Variants in FLT3 observed in about 807,000 individuals in gnomAD.
FLT3 encodes fms related receptor tyrosine kinase 3, also known as receptor-type tyrosine-protein kinase FLT3.
FLT3 carries 46 observed loss-of-function variants against 126.6 expected under a neutral mutation model. That is an observed-to-expected ratio of 0.36 (90% CI 0.29 to 0.46). The LOEUF (loss-of-function observed/expected upper bound fraction) is 0.46, where lower values mean the gene tolerates loss of function less well. FLT3 is among the 20% of genes least tolerant of loss of function. FLT3 has a pLI of 1.00. For missense variants in FLT3, 1,069 were observed against 1,190.3 expected, an observed-to-expected ratio of 0.90 and a Z score of 1.50; for synonymous variants, 404 against 434.4, an observed-to-expected ratio of 0.93 and a Z score of 0.87.
chr13:28,066,896 T>C (rs908488551), intron 2 of FLT3, among the ~76,000 whole-genome samples: 1 of 152,070 alleles, frequency 6.6e-6, no homozygotes, highest in Non-Finnish European at 1.5e-5. Flanking sequence ...GTGAAGAAAA[T>C]AGTAACTTTG....
chr13:28,019,167 A>G (rs914546281), intron 19 of FLT3, among the ~76,000 whole-genome samples: 11 of 152,012 alleles, frequency 7.2e-5, no homozygotes, highest in African/African-American at 2.4e-4. Flanking sequence ...GCGTTTCGCC[A>G]TGTTGGTCAG....
chr13:28,081,687 A>C (rs1450169694), intron 1 of FLT3, among the ~76,000 whole-genome samples: 1 of 152,136 alleles, frequency 6.6e-6, no homozygotes, highest in East Asian at 1.9e-4. Context: ...TTCTGATCTT[A>C]GGGAAAAGAT....
intron 15 of FLT3, among the ~76,000 whole-genome samples, chr13:28,029,345 T>C (rs1261129931): frequency 6.6e-6 from 1 of 151,428 alleles, no homozygotes; most frequent in Non-Finnish European, 1.5e-5. Flanking sequence ...TGAGCCGAGA[T>C]TGAGCCCCTG....
intron 15 of FLT3, among the ~76,000 whole-genome samples, chr13:28,030,345 C>T (rs1327298890): frequency 2.0e-5 from 3 of 152,186 alleles, no homozygotes; most frequent in East Asian, 1.9e-4. Flanking sequence ...TAATATCTTA[C>T]ATTTTTTAGC....
intron 1 of FLT3, among the ~76,000 whole-genome samples, chr13:28,088,441 C>A (rs1272023909): frequency 1.3e-5 from 2 of 152,112 alleles, no homozygotes; most frequent in African/African-American, 4.8e-5. Flanking sequence ...GTGCACACCA[C>A]CATGCCTGGC....
intron 1 of FLT3, among the ~76,000 whole-genome samples, chr13:28,075,313 T>C (rs984889753): frequency 3.3e-5 from 5 of 152,184 alleles, no homozygotes; most frequent in African/African-American, 1.2e-4. Context: ...AAATGATAAA[T>C]ATTCAACGTG....
Position 28,028,790 on chromosome 13 carries a change from C to CTT in FLT3, c.1943-504_1943-503dup, listed in dbSNP as rs35421108. Among the ~76,000 whole-genome samples the CTT allele has an allele frequency of 8.5e-3, 1,198 of 141,132 alleles. 11 individuals are homozygous for CTT. Among genetic ancestry groups the CTT allele is most frequent in the South Asian group, 0.012 (57 of 4,586 alleles). 92.6% of individuals were successfully genotyped at this position (141,132 alleles called of 152,430 possible). Reference sequence around the variant, plus strand: ...TTTTTTTTTTTCCTTTTCTTTCTTTCTTTTTTTTTGACACAGTATCTCACT... The same window carrying CTT: ...TTTTTTTTTTTCCTTTTCTTTCTTTCTTTTTTTTTTTGACACAGTATCTCACT... On this transcript the variant is annotated intron_variant, in intron 15 of 23. Transcript: ENST00000241453.
chr13:28,072,597 TG>T (rs1189247071), intron 1 of FLT3, among the ~76,000 whole-genome samples: 1 of 152,186 alleles, frequency 6.6e-6, no homozygotes, highest in African/African-American at 2.4e-5. Flanking sequence ...GCATTCACCT[TG>T]CTGGCCAGGC....
At chr13:28,008,846 T>C (rs1048742823) in intron 23 of FLT3, among the ~76,000 whole-genome samples, 1 of 152,200 alleles carries the variant, frequency 6.6e-6, no homozygotes, top group Admixed American at 6.5e-5. Context: ...TACATTGTAT[T>C]GAGATTAGTG....
chr13:28,092,968 C>T (rs1879218350), intron 1 of FLT3, among the ~76,000 whole-genome samples: 1 of 138,014 alleles, frequency 7.2e-6, no homozygotes, highest in Admixed American at 7.7e-5. Context: ...GTCACCCAGG[C>T]TGGAGTACAG....
chr13:28,088,499 G>A (rs1267721335), intron 1 of FLT3, among the ~76,000 whole-genome samples: 11 of 151,828 alleles, frequency 7.2e-5, no homozygotes, highest in Non-Finnish European at 1.5e-5. Context: ...TGTTGGCCAG[G>A]CTGGTCTTGA....
chr13:28,085,336 T>A (rs12585699), intron 1 of FLT3, among the ~76,000 whole-genome samples: 72,548 of 125,108 alleles, frequency 0.58, 20,615 homozygotes, highest in East Asian at 0.74. Flanking sequence ...AGAGCCAGAC[T>A]CCATCTCAAA....
chr13:28,022,739 T>A (rs866669505), intron 19 of FLT3, among the ~76,000 whole-genome samples: 15 of 152,100 alleles, frequency 9.9e-5, no homozygotes, highest in African/African-American at 3.4e-4. Flanking sequence ...TATGATCTGC[T>A]TATAGGCAGG....
chr13:28,033,825 G>T, intron 15 of FLT3, 62 bp downstream of exon 15: 1 of 1,181,446 alleles, frequency 8.5e-7, no homozygotes, highest in Non-Finnish European at 1.3e-6. Context: ...AGAAGGCATG[G>T]GTGGGAAACT....
rs1011732155 is a variant in FLT3 at position 28,100,282 on chromosome 13, G to A, written c.43+186C>T. On this transcript the variant is annotated intron_variant, in intron 1 of 23. Coordinates refer to ENST00000241453, the MANE Select transcript of FLT3 (RefSeq NM_004119.3). This position sits in a 1 kb window ranked among gnomAD's most constrained non-coding sequence, Gnocchi z 4.8. The stretch of plus-strand genomic sequence containing the variant: ...AGGACGCGGGGTGGGAAACGCCGGG[G>A]CCGCAGGCAAGTAGTGGGCGAGTCC... 1.3e-5 allele frequency among the ~76,000 whole-genome samples: 2 copies of A among 152,088 alleles called. No individual in the cohort carries two copies. Among genetic ancestry groups the A allele is most frequent in the Non-Finnish European group, 2.9e-5 (2 of 68,008 alleles).
At chr13:28,004,640 T>C (rs1870724378) in intron 23 of FLT3, among the ~76,000 whole-genome samples, 1 of 152,136 alleles carries the variant, frequency 6.6e-6, no homozygotes. Flanking sequence ...TAAACTGATA[T>C]ATAATAGATG....
Position 28,037,286 on chromosome 13 carries a change from A to G in FLT3, c.1208T>C (p.Ile403Thr). 1 of 1,591,812 alleles carries G rather than the reference A, an allele frequency of 6.3e-7. No individual in the cohort carries two copies. The highest frequency in any genetic ancestry group is 8.6e-7 in the Non-Finnish European group (1 of 1,160,376). ...GTGCTTATGATTGCAAAACTTGGAT[A>G]TGCTGTTTGAAAAAGAATTAAAGAC... ...EQKGLDNGYS[I>T]SKFCNHKHQP... is the part of the protein sequence containing the mutation. Residue 403 changes from isoleucine (I) to threonine (T), a missense_variant and splice_region_variant, in exon 10 of 24, where the codon ATA becomes ACA. By Grantham distance (89) the Ile-to-Thr change is moderately conservative. Transcript: ENST00000241453.
At position 28,070,417 on chromosome 13, in the gene FLT3, G is replaced by A. The variant is rs1566096513; in HGVS notation, c.165+74C>T. 9.3e-6 allele frequency: 12 copies of A among 1,284,960 alleles called. No individual in the cohort carries two copies. The South Asian group carries it at 1.1e-4, about 12-fold the overall frequency. 79.6% of individuals were successfully genotyped at this position (1,284,960 alleles called of 1,614,324 possible). A position where few individuals can be genotyped will look rare whatever the true frequency, so the allele number is the denominator to read the frequency against. On this transcript the variant is annotated intron_variant, in intron 2 of 23. Transcript: ENST00000241453. ...ATAAAGAGAAGCCCATTTAGCCATG[G>A]TAGGCTTCAATAACTTACAAATTAC...
chr13:28,005,117 G>A (rs949297764), intron 23 of FLT3, among the ~76,000 whole-genome samples: 2 of 152,218 alleles, frequency 1.3e-5, no homozygotes, highest in African/African-American at 4.8e-5. Context: ...ATCACCTGGG[G>A]TTGGGAGTTC....
Sources: gnomAD v4.1 joint callset for allele counts (sites outside exome capture counted in the v4.1 genomes callset) on GRCh38, gnomAD v4.1.1 for gene constraint, Gnocchi (gnomAD v3.1) non-coding constraint, MANE v1.5 for transcripts, NCBI Gene and HGNC (gene_info 2026-07-23, HGNC 2026-07-21) for gene names.